The following CCDC106 variants were observed in gnomAD, a reference collection of about 807,000 sequenced individuals.
CCDC106 encodes the protein coiled-coil domain containing 106, also known as coiled-coil domain-containing protein 106.
CCDC106 carries 17 observed loss-of-function variants against 24.7 expected under a neutral mutation model. The observed-to-expected ratio is 0.69, with a 90% CI of 0.47 to 1.03. The LOEUF is 1.03. Ranked by LOEUF, CCDC106 falls within the 50% of genes least tolerant of loss-of-function variation. The probability of loss-of-function intolerance (pLI) is 0.00; values close to 1 mark genes in which losing one functional copy is unlikely to be tolerated. For missense variants in CCDC106, 337 were observed against 388.9 expected, an observed-to-expected ratio of 0.87 and a Z score of 1.12; for synonymous variants, 211 against 161.3, an observed-to-expected ratio of 1.31 and a Z score of -2.34.
chr19:55,648,002 T>C (rs1982968065), upstream of CCDC106: 1 of 152,094 alleles, frequency 6.6e-6, no homozygotes, highest in Non-Finnish European at 1.5e-5. Flanking sequence ...TAAGGGGCTA[T>C]CGCGCAAGTG....
rs1256873597 is a variant in CCDC106, at chr19:55,652,593, G to C, written c.690G>C (p.Leu230=). 1 of 1,613,140 alleles carries C rather than the reference G, an allele frequency of 6.2e-7. No homozygotes were observed. Among genetic ancestry groups the C allele is most frequent in the African/African-American group, 1.3e-5 (1 of 74,862 alleles). Residue 230 remains leucine, a synonymous_variant, in exon 5 of 5, where the codon CTG becomes CTC. Transcript: ENST00000586790. This position sits in a 1 kb window ranked among gnomAD's most constrained non-coding sequence, Gnocchi z 5.9. ...AELLIVAPEK[L]AEVGEFDPSK... is the part of the protein sequence containing the mutation. ...TGCTCATTGTGGCCCCCGAGAAGCT[G>C]GCCGAGGTGGGCGAGTTCGACCCCT... is the stretch of plus-strand genomic sequence containing the variant.
intron 3 of CCDC106, chr19:55,649,790 G>C (rs950674062): frequency 3.4e-6 from 2 of 582,502 alleles, no homozygotes; most frequent in African/African-American, 3.7e-5. Flanking sequence ...CTGTCTACTG[G>C]GGCCCGTCCT....
In CCDC106 at chr19:55,649,733, A is replaced by G. The variant is rs528259001; in HGVS notation, c.313+149A>G. On this transcript the variant is annotated intron_variant, in intron 3 of 4. Coordinates refer to ENST00000586790, the MANE Select transcript of CCDC106 (RefSeq NM_001370470.1). ...AGTCCCCTGCCTGTTTTGGGCCCCCAGGCCCAGCTGCCTCCTCACTTGATT... is the reference window on the plus strand; with the variant it reads ...AGTCCCCTGCCTGTTTTGGGCCCCCGGGCCCAGCTGCCTCCTCACTTGATT... 2.9e-4 allele frequency: 203 copies of G among 688,824 alleles called. 1 individual carries two copies. In the South Asian group the frequency reaches 3.6e-3, roughly 12 times the overall value. 42.7% of individuals were successfully genotyped at this position (688,824 alleles called of 1,614,324 possible).
intron 3 of CCDC106, among the ~76,000 whole-genome samples, chr19:55,649,818 C>T (rs1168552235): frequency 6.6e-6 from 1 of 152,170 alleles, no homozygotes; most frequent in Admixed American, 6.5e-5. Context: ...TCTCCGTCAG[C>T]TCCCCAAATC....
At position 55,648,822 on chromosome 19, in the gene CCDC106, C is replaced by G; in HGVS notation, c.-225C>G. The G allele has an allele frequency of 1.7e-6, 1 of 602,238 alleles. No homozygotes were observed. The highest frequency in any genetic ancestry group is 3.0e-6 in the Non-Finnish European group (1 of 338,140). 37.3% of individuals were successfully genotyped at this position (602,238 alleles called of 1,614,324 possible). ...GCGGCTGGGCCCCCTGCCCCTGACT[C>G]CAGGAGCCCAGGAGTTTGAAGCCCA... On this transcript the variant is annotated 5_prime_UTR_variant, in exon 1 of 5. Coordinates refer to ENST00000586790, the MANE Select transcript of CCDC106 (RefSeq NM_001370470.1).
In CCDC106 at chr19:55,649,446, A is replaced by C; in HGVS notation, c.175A>C (p.Asn59His). 3.1e-6 allele frequency: 5 copies of C among 1,614,044 alleles called. No individual in the cohort carries two copies. Among genetic ancestry groups the C allele is most frequent in the Non-Finnish European group, 4.2e-6 (5 of 1,179,980 alleles). Reference protein sequence around the residue: ...EAASSALALMNSVKTQLHMAL... With the variant: ...EAASSALALMHSVKTQLHMAL... ...TGCGTCCTCCGCCCTGGCTCTGATG[A>C]ACAGCGTCAAGACCCAGCTGCACAT... is the stretch of plus-strand genomic sequence containing the variant. Residue 59 changes from asparagine to histidine, a missense_variant, in exon 3 of 5, where the codon AAC (asparagine) becomes CAC (histidine). Coordinates refer to ENST00000586790, the MANE Select transcript of CCDC106 (RefSeq NM_001370470.1).
chr19:55,647,433 C>T (rs757837040), upstream of CCDC106, among the ~76,000 whole-genome samples: 2 of 152,196 alleles, frequency 1.3e-5, no homozygotes, highest in Admixed American at 6.5e-5. Flanking sequence ...GCCATCATAC[C>T]CCACCATCTG....
At chr19:55,647,785 T>A (rs1358955161), upstream of CCDC106, among the ~76,000 whole-genome samples, 2 of 151,514 alleles carry the variant, frequency 1.3e-5, no homozygotes, top group African/African-American at 4.9e-5. Context: ...CTCTGAGGGG[T>A]CCGCGCTGGC....
At chr19:55,650,732 G>T (rs781510390) in intron 3 of CCDC106, among the ~76,000 whole-genome samples, 1 of 152,100 alleles carries the variant, frequency 6.6e-6, no homozygotes, top group Non-Finnish European at 1.5e-5. Flanking sequence ...TTGGCCCTGC[G>T]GCTTCGGCAC....
chr19:55,651,970 GTTTACT>G (rs577803765), intron 4 of CCDC106, among the ~76,000 whole-genome samples: 1 of 152,218 alleles, frequency 6.6e-6, no homozygotes, highest in East Asian at 1.9e-4. Context: ...CCTGTCCTGG[GTTTACT>G]TTTAAGTTTT....
chr19:55,652,517 A>G lies in CCDC106; in HGVS notation c.614A>G (p.His205Arg). The G allele has an allele frequency of 6.2e-7, 1 of 1,613,284 alleles. No homozygotes were observed. ...KLKSMSRAFE[H>R]HRVDRNTVAL... ...AAGAGCATGTCGCGGGCCTTCGAGC[A>G]CCACCGCGTGGACAGGAACACCGTG... Residue 205 changes from histidine (H) to arginine (R), a missense_variant, in exon 5 of 5, where the codon CAC (histidine) becomes CGC (arginine). Physicochemically the swap from His to Arg is conservative, Grantham distance 29. Coordinates refer to ENST00000586790, the MANE Select transcript of CCDC106 (RefSeq NM_001370470.1). The surrounding 1 kb of genome is among the most constrained non-coding windows in gnomAD (Gnocchi z 5.9).
chr19:55,651,330 A>C lies in CCDC106; in HGVS notation c.361A>C (p.Ser121Arg). Reference sequence around the variant, plus strand: ...TGGGCCCAGGCGGATGGAGGGGGACAGCCGTGGTGGGGCTGGGGGCGAGGC... The same window carrying C: ...TGGGCCCAGGCGGATGGAGGGGGACCGCCGTGGTGGGGCTGGGGGCGAGGC... ...KPGPRRMEGD[S>R]RGGAGGEASD... Residue 121 changes from serine to arginine, a missense_variant, in exon 4 of 5, where the codon AGC (serine) becomes CGC (arginine). Physicochemically the swap from Ser to Arg is moderately radical, Grantham distance 110. Transcript: ENST00000586790. 1 of 1,613,560 alleles carries C rather than the reference A, an allele frequency of 6.2e-7. No individual in the cohort carries two copies. Among genetic ancestry groups the C allele is most frequent in the Non-Finnish European group, 8.5e-7 (1 of 1,179,926 alleles).
rs1370229252 is a variant in CCDC106 at position 55,652,207 on chromosome 19, C to T, written c.527-223C>T. Reference sequence around the variant, plus strand: ...CTCATTTTGTCTCCTCACTCTCCTTCCTGGGCCTGCCTCTTCCCATTTCCC... The same window carrying T: ...CTCATTTTGTCTCCTCACTCTCCTTTCTGGGCCTGCCTCTTCCCATTTCCC... On this transcript the variant is annotated intron_variant, in intron 4 of 4. Coordinates refer to ENST00000586790, the MANE Select transcript of CCDC106 (RefSeq NM_001370470.1). The surrounding 1 kb of genome is among the most constrained non-coding windows in gnomAD (Gnocchi z 5.9). 6.6e-6 allele frequency among the ~76,000 whole-genome samples: 1 copy of T among 152,042 alleles called. No individual in the cohort carries two copies. The highest frequency in any genetic ancestry group is 2.4e-5 in the African/African-American group (1 of 41,384).
In CCDC106 at chr19:55,652,798, G is replaced by A. The variant is rs977374518; in HGVS notation, c.*52G>A. 5.4e-6 allele frequency: 8 copies of A among 1,477,514 alleles called. No homozygotes were observed. In the African/African-American group the frequency reaches 9.7e-5, roughly 18 times the overall value. 91.5% of individuals were successfully genotyped at this position (1,477,514 alleles called of 1,614,324 possible). On this transcript the variant is annotated 3_prime_UTR_variant, in exon 5 of 5. Coordinates refer to ENST00000586790, the MANE Select transcript of CCDC106 (RefSeq NM_001370470.1). This position sits in a 1 kb window ranked among gnomAD's most constrained non-coding sequence, Gnocchi z 5.9. ...CGGGCCTTCCTCCCCCGTGGACCCC[G>A]GTGGATGACCTGCCCCTCTCCCCGC...
chr19:55,652,933 C>G lies in CCDC106; in HGVS notation c.*187C>G. ...GGCCCCTTCCCGAACGCCGGCACCC[C>G]CTTCCGCTTGGGCTGCCCAGCCCTG... On this transcript the variant is annotated 3_prime_UTR_variant, in exon 5 of 5. Transcript: ENST00000586790. The surrounding 1 kb of genome is among the most constrained non-coding windows in gnomAD (Gnocchi z 5.9). The G allele has an allele frequency of 3.4e-6, 2 of 586,460 alleles. No homozygotes were observed. The highest frequency in any genetic ancestry group is 6.0e-6 in the Non-Finnish European group (2 of 333,154). The allele number at this position is 586,460 out of a possible 1,614,324, so 36.3% of individuals were successfully genotyped here.
rs758903377 is a variant in CCDC106, at chr19:55,651,350, C to T, written c.381C>T (p.Gly127=). The T allele has an allele frequency of 2.0e-5, 32 of 1,612,808 alleles. No homozygotes were observed. In the East Asian group the frequency reaches 2.2e-4, roughly 11 times the overall value. Residue 127 remains glycine (G), a synonymous_variant, in exon 4 of 5, where the codon GGC becomes GGT. Coordinates refer to ENST00000586790, the MANE Select transcript of CCDC106 (RefSeq NM_001370470.1). ...GGGACAGCCGTGGTGGGGCTGGGGG[C>T]GAGGCCTCGGACCCTGAGTCAGCAG... ...MEGDSRGGAG[G]EASDPESAAS...
Position 55,652,480 on chromosome 19 carries a change from T to C in CCDC106, c.577T>C (p.Phe193Leu). 6.2e-7 allele frequency: 1 copy of C among 1,611,846 alleles called. No homozygotes were observed. Among genetic ancestry groups the C allele is most frequent in the Non-Finnish European group, 8.5e-7 (1 of 1,178,724 alleles). The change falls in exon 5 of 5, where the codon TTC becomes CTC. Residue 193 changes from phenylalanine (F) to leucine (L), a missense_variant. Around this residue, in one of 2 missense-constraint regions of CCDC106, gnomAD observed 103 missense variants for 152.4 expected, o/e 0.68. Transcript: ENST00000586790. This position sits in a 1 kb window ranked among gnomAD's most constrained non-coding sequence, Gnocchi z 5.9. ...LCRYKKILGT[F>L]QKLKSMSRAF... ...CCGGTACAAGAAGATCCTGGGCACC[T>C]TCCAGAAGCTCAAGAGCATGTCGCG...
upstream of CCDC106, chr19:55,648,192 G>C (rs947209403): frequency 6.6e-6 from 1 of 152,050 alleles, no homozygotes; most frequent in Non-Finnish European, 1.5e-5. Context: ...CGCTTCCCTC[G>C]GCTCCCCGTG....
rs767316961 is a variant in CCDC106 at position 55,649,419 on chromosome 19, G to A, written c.148G>A (p.Ala50Thr). Residue 50 changes from alanine to threonine, a missense_variant, in exon 3 of 5, where the codon GCT becomes ACT. By Grantham distance (58) the Ala-to-Thr change is moderately conservative (BLOSUM62 0). Coordinates refer to ENST00000586790, the MANE Select transcript of CCDC106 (RefSeq NM_001370470.1). ...CGCTGTGTCCCTAGAGCCTCCGGAG[G>A]CTGCGTCCTCCGCCCTGGCTCTGAT... ...SRRNFEEPPE[A>T]ASSALALMNS... 2 of 1,613,968 alleles carry A rather than the reference G, an allele frequency of 1.2e-6. No individual in the cohort carries two copies. Among genetic ancestry groups the A allele is most frequent in the Non-Finnish European group, 1.7e-6 (2 of 1,179,996 alleles).
Sources: gnomAD v4.1 joint callset for allele counts (sites outside exome capture counted in the v4.1 genomes callset) on GRCh38, gnomAD v4.1.1 for gene constraint, gnomAD v4.1.1 regional missense constraint, Gnocchi (gnomAD v3.1) non-coding constraint, MANE v1.5 for transcripts, NCBI Gene and HGNC (gene_info 2026-07-23, HGNC 2026-07-21) for gene names.